SYTL5: variants seen among roughly 807,000 people sequenced by gnomAD.
The protein encoded by SYTL5 is synaptotagmin like 5, also known as synaptotagmin-like protein 5.
A neutral mutation model predicts 55.9 loss-of-function variants in SYTL5; 34 were observed. The observed-to-expected ratio is 0.61, with a 90% CI of 0.46 to 0.81. SYTL5 has a LOEUF of 0.81. Among genes scored for constraint, SYTL5 ranks in the 30% least tolerant of loss-of-function variants. SYTL5 has a pLI of 0.00. For synonymous variants in SYTL5, 221 were observed against 188.7 expected (o/e 1.17, Z -1.40); for missense variants, 637 against 546.7 (o/e 1.17, Z -1.65).
intron 15 of SYTL5, 54 bp from the exon 16 acceptor site, chrX:38,125,244 T>G (rs1016316100): frequency 1.9e-6 from 2 of 1,066,225 alleles, no homozygotes; most frequent in Admixed American, 4.5e-5. Flanking sequence ...GTGTACACGC[T>G]GACATTTTCT....
At chrX:37,957,264 A>G in the SYTL5 span, among the ~76,000 whole-genome samples, 2 of 111,145 alleles carry the variant, frequency 1.8e-5, no homozygotes, top group Non-Finnish European at 3.8e-5. Context: ...TTTTCTGTGT[A>G]GAAGCTTTTT....
At chrX:38,052,401 G>A (rs1229902444) in intron 2 of SYTL5, among the ~76,000 whole-genome samples, 2 of 111,966 alleles carry the variant, frequency 1.8e-5, no homozygotes, top group Non-Finnish European at 3.8e-5. Flanking sequence ...CTAGCACAGT[G>A]TAGGCGTACT....
the SYTL5 span, among the ~76,000 whole-genome samples, chrX:37,900,444 T>C: frequency 1.2e-4 from 13 of 110,772 alleles, no homozygotes; most frequent in Non-Finnish European, 2.5e-4. Flanking sequence ...GGTGGGAGAG[T>C]TGCCATTCAA....
the SYTL5 span, among the ~76,000 whole-genome samples, chrX:37,940,487 A>C: frequency 9.4e-6 from 1 of 106,238 alleles, no homozygotes; most frequent in Admixed American, 1.0e-4. Context: ...TCTAAAAAAA[A>C]AAAAAAAAAA....
the SYTL5 span, chrX:37,949,220 A>G: frequency 8.9e-6 from 1 of 111,945 alleles, no homozygotes; most frequent in Non-Finnish European, 1.9e-5. Flanking sequence ...TCTAATTTCT[A>G]TGAATTCCTG....
At chrX:38,001,873 T>A (rs188934330), upstream of SYTL5, among the ~76,000 whole-genome samples, 34 of 111,367 alleles carry the variant, frequency 3.1e-4, no homozygotes, top group African/African-American at 1.0e-3. Flanking sequence ...ATATATATAT[T>A]TTTTACTATA....
At chrX:37,973,036 A>G in the SYTL5 span, among the ~76,000 whole-genome samples, 2 of 112,090 alleles carry the variant, frequency 1.8e-5, no homozygotes, top group Non-Finnish European at 3.8e-5. Context: ...CTGGATCGAG[A>G]AAGAAAGGAA....
chrX:38,078,417 C>T (rs1271611071), intron 6 of SYTL5, among the ~76,000 whole-genome samples: 1 of 110,211 alleles, frequency 9.1e-6, no homozygotes, highest in Non-Finnish European at 1.9e-5. Context: ...CCCACCACCA[C>T]GCCCAGCTAA....
chrX:38,084,943 C>T (rs2147481578), intron 6 of SYTL5, among the ~76,000 whole-genome samples: 1 of 110,368 alleles, frequency 9.1e-6, no homozygotes, highest in East Asian at 2.9e-4. Flanking sequence ...TTTTTTTCAA[C>T]CATTTAAAAA....
the SYTL5 span, among the ~76,000 whole-genome samples, chrX:37,940,164 A>G: frequency 9.0e-6 from 1 of 110,682 alleles, no homozygotes; most frequent in Non-Finnish European, 1.9e-5. Flanking sequence ...GGAGAGAGCC[A>G]TTCTCCAACC....
At chrX:37,907,498 A>G in the SYTL5 span, among the ~76,000 whole-genome samples, 1 of 112,267 alleles carries the variant, frequency 8.9e-6, no homozygotes, top group Admixed American at 9.4e-5. Context: ...TAAGCTTCCC[A>G]CTTCTCTGAT....
chrX:37,994,691 AGAG>A, the SYTL5 span: 23,025 of 108,026 alleles, frequency 0.21, 2,089 homozygotes, highest in Middle Eastern at 0.31. Context: ...CTGAGGAGGA[AGAG>A]GAGGAGGAGG....
At chrX:38,035,496 C>T (rs1043612667) in intron 2 of SYTL5, among the ~76,000 whole-genome samples, 21 of 107,163 alleles carry the variant, frequency 2.0e-4, no homozygotes, top group Admixed American at 2.0e-4. Context: ...GAGGCTGAGG[C>T]GGGAGAATGG....
the SYTL5 span, chrX:37,906,448 G>A: frequency 9.0e-6 from 1 of 111,475 alleles, no homozygotes; most frequent in African/African-American, 3.3e-5. Flanking sequence ...ATTTTCCTCC[G>A]GTGTAATTCT....
the SYTL5 span, among the ~76,000 whole-genome samples, chrX:37,901,108 G>C: frequency 0.15 from 16,845 of 110,837 alleles, 3,181 homozygotes; most frequent in African/African-American, 0.53. Context: ...TATAAATAGA[G>C]AGGACTATCA....
the SYTL5 span, among the ~76,000 whole-genome samples, chrX:37,943,975 A>G: frequency 9.0e-6 from 1 of 110,872 alleles, no homozygotes. Context: ...TTCTGAACAC[A>G]CTAATCTAGA....
the SYTL5 span, among the ~76,000 whole-genome samples, chrX:37,915,145 C>T: frequency 9.0e-6 from 1 of 111,286 alleles, no homozygotes; most frequent in Non-Finnish European, 1.9e-5. Context: ...CTCCTTGTTT[C>T]GTGTGTGTGT....
At chrX:38,074,942 A>G (rs942841613) in intron 5 of SYTL5, among the ~76,000 whole-genome samples, 1 of 110,338 alleles carries the variant, frequency 9.1e-6, no homozygotes, top group African/African-American at 3.3e-5. Flanking sequence ...ACATGCACAC[A>G]CTTAATTGTA....
intron 2 of SYTL5, among the ~76,000 whole-genome samples, chrX:38,038,941 A>C (rs1019565733): frequency 8.9e-6 from 1 of 111,891 alleles, no homozygotes; most frequent in Non-Finnish European, 1.9e-5. Flanking sequence ...GTACTGAATC[A>C]ATATTTTAGG....
Sources: allele counts gnomAD v4.1 joint callset (sites outside exome capture counted in the v4.1 genomes callset), GRCh38; gene constraint gnomAD v4.1.1; transcripts MANE v1.5; gene names NCBI Gene and HGNC (gene_info 2026-07-23, HGNC 2026-07-21).